Variants in THSD7A observed in about 807,000 individuals in gnomAD.
The protein encoded by THSD7A is thrombospondin type-1 domain-containing protein 7A.
Under a neutral mutation model 231.3 loss-of-function variants are expected in THSD7A, and 96 were observed. That is an observed-to-expected ratio of 0.41 (90% CI 0.35 to 0.49). The LOEUF (loss-of-function observed/expected upper bound fraction) is 0.49, where lower values mean the gene tolerates loss of function less well. THSD7A is among the 20% of genes least tolerant of loss of function. The pLI, the probability that THSD7A is intolerant of heterozygous loss-of-function variation, is 0.05. For missense variants in THSD7A, 2,290 were observed against 2,070.2 expected (o/e 1.11, Z -2.06); for synonymous variants, 940 against 743.3 (o/e 1.26, Z -4.30).
intron 4 of THSD7A, among the ~76,000 whole-genome samples, chr7:11,544,839 C>G (rs1480287978): frequency 6.7e-6 from 1 of 149,652 alleles, no homozygotes; most frequent in African/African-American, 2.5e-5. Flanking sequence ...ACACTCGCCA[C>G]TACAGTGAAA....
In THSD7A at chr7:11,624,343, G is replaced by T. The variant is rs777091645; in HGVS notation, c.1022+11787C>A. 5.1e-4 allele frequency among the ~76,000 whole-genome samples: 77 copies of T among 152,026 alleles called. 2 individuals carry two copies. Among genetic ancestry groups the T allele is most frequent in the Non-Finnish European group, 8.8e-5 (6 of 67,988 alleles). ...TTTGCCTCAGTTTACTGAAGAAAAG[G>T]CCAGATTTTTCTGCCTTACCATCAA... On this transcript the variant is annotated intron_variant, in intron 2 of 27. Transcript: ENST00000423059.
chr7:11,404,264 TA>T (rs1295384688), intron 22 of THSD7A, among the ~76,000 whole-genome samples: 2 of 152,178 alleles, frequency 1.3e-5, no homozygotes, highest in Non-Finnish European at 2.9e-5. Context: ...GCTTGACCTG[TA>T]ATTACATTTG....
chr7:11,395,470 A>T (rs1211760312), intron 23 of THSD7A, among the ~76,000 whole-genome samples: 3 of 151,960 alleles, frequency 2.0e-5, no homozygotes, highest in Non-Finnish European at 4.4e-5. Flanking sequence ...GACCAAGGAG[A>T]CCTAATAGAC....
rs573148447 is a variant in THSD7A, at chr7:11,394,012, AG to A, written c.4411+7782del. On this transcript the variant is annotated intron_variant, in intron 23 of 27. Coordinates refer to ENST00000423059, the MANE Select transcript of THSD7A (RefSeq NM_015204.3). ...CAACATTCAAATTCAGGAAATACAG[AG>A]AACACCACAAAGATACTCCTTGAGA... Among the ~76,000 whole-genome samples, 942 of 152,296 alleles carry A rather than the reference AG, an allele frequency of 6.2e-3. 9 individuals are homozygous for A. Among genetic ancestry groups the A allele is most frequent in the Middle Eastern group, 0.01 (3 of 294 alleles).
Position 11,446,018 on chromosome 7 carries a change from A to G in THSD7A, c.3064+43T>C, listed in dbSNP as rs1431609748. 6.2e-7 allele frequency: 1 copy of G among 1,608,150 alleles called. No homozygotes were observed. Among genetic ancestry groups the G allele is most frequent in the African/African-American group, 1.3e-5 (1 of 74,792 alleles). ...TGATGCGTGTGCATTTTCCCTCCACACTCCCGAAGATAGCAAATATGTAAC... is the reference window on the plus strand; with the variant it reads ...TGATGCGTGTGCATTTTCCCTCCACGCTCCCGAAGATAGCAAATATGTAAC... On this transcript the variant is annotated intron_variant, in intron 13 of 27. Coordinates refer to ENST00000423059, the MANE Select transcript of THSD7A (RefSeq NM_015204.3). This position sits in a 1 kb window ranked among gnomAD's most constrained non-coding sequence, Gnocchi z 4.0.
At chr7:11,466,468 C>G (rs1228654124) in intron 9 of THSD7A, among the ~76,000 whole-genome samples, 1 of 152,094 alleles carries the variant, frequency 6.6e-6, no homozygotes, top group Non-Finnish European at 1.5e-5. Context: ...ACAGGCAAAA[C>G]AGAAAAAACT....
At position 11,523,865 on chromosome 7, in the gene THSD7A, T is replaced by C. The variant is rs537859438; in HGVS notation, c.1822+17554A>G. Among the ~76,000 whole-genome samples, 9 of 152,302 alleles carry C rather than the reference T, an allele frequency of 5.9e-5. No homozygotes were observed. The South Asian group carries it at 1.9e-3, about 32-fold the overall frequency. On this transcript the variant is annotated intron_variant, in intron 6 of 27. Transcript: ENST00000423059. ...AGTTATTTCATTCTTCTGCCTTTAG[T>C]ACATATTGTACACAATTTTTTTAAA...
At position 11,482,022 on chromosome 7, in the gene THSD7A, T is replaced by C. The variant is rs534045935; in HGVS notation, c.1823-40A>G. 3.9e-6 allele frequency: 6 copies of C among 1,538,920 alleles called. No homozygotes were observed. In the South Asian group the frequency reaches 6.2e-5, roughly 16 times the overall value. On this transcript the variant is annotated intron_variant, in intron 6 of 27. Coordinates refer to ENST00000423059, the MANE Select transcript of THSD7A (RefSeq NM_015204.3). ...ACCACCAACAGCTATTATTGTTAAA[T>C]TAATGTAAAATGAGCAATTTAAACC...
chr7:11,814,343 G>T lies in THSD7A; in HGVS notation c.190+17414C>A, dbSNP rs1174179403. Reference sequence around the variant, plus strand: ...TGGCAATCCCAAGTATTCAGCACGTGACAAACAAAGGAGATTCATCTCATT... The same window carrying T: ...TGGCAATCCCAAGTATTCAGCACGTTACAAACAAAGGAGATTCATCTCATT... On this transcript the variant is annotated intron_variant, in intron 1 of 27. Coordinates refer to ENST00000423059, the MANE Select transcript of THSD7A (RefSeq NM_015204.3). This position sits in a 1 kb window ranked among gnomAD's most constrained non-coding sequence, Gnocchi z 5.1. Among the ~76,000 whole-genome samples the T allele has an allele frequency of 6.6e-6, 1 of 152,130 alleles. No homozygotes were observed. Among genetic ancestry groups the T allele is most frequent in the African/African-American group, 2.4e-5 (1 of 41,410 alleles).
intron 1 of THSD7A, among the ~76,000 whole-genome samples, chr7:11,777,457 A>ACT (rs1450520991): frequency 5.2e-5 from 6 of 116,072 alleles, no homozygotes; most frequent in African/African-American, 1.9e-4. Context: ...ACACACACAC[A>ACT]CACTCTTTAA....
Position 11,758,038 on chromosome 7 carries a change from T to TATATATAA in THSD7A, c.190+73718_190+73719insTTATATAT, listed in dbSNP as rs1554274392. On this transcript the variant is annotated intron_variant, in intron 1 of 27. Transcript: ENST00000423059. ...ATATATATATATATATATATATATATAATGTTTCACTTTAATCATCACAAA... is the reference window on the plus strand; with the variant it reads ...ATATATATATATATATATATATATATATATATAAAATGTTTCACTTTAATCATCACAAA... Among the ~76,000 whole-genome samples, 56 of 144,654 alleles carry TATATATAA rather than the reference T, an allele frequency of 3.9e-4. No homozygotes were observed. In the East Asian group the frequency reaches 6.5e-3, roughly 17 times the overall value. The allele number at this position is 144,654 out of a possible 152,430, so 94.9% of individuals were successfully genotyped here. A position where few individuals can be genotyped will look rare whatever the true frequency, so the allele number is the denominator to read the frequency against.
At chr7:11,523,034 A>G (rs1788330508) in intron 6 of THSD7A, among the ~76,000 whole-genome samples, 1 of 152,164 alleles carries the variant, frequency 6.6e-6, no homozygotes, top group African/African-American at 2.4e-5. Flanking sequence ...TCCACACTAC[A>G]AAGTTACAGA....
intron 1 of THSD7A, among the ~76,000 whole-genome samples, chr7:11,718,009 A>C (rs1258344363): frequency 2.0e-5 from 3 of 151,606 alleles, no homozygotes; most frequent in Non-Finnish European, 4.4e-5. Context: ...TCTCAAAACT[A>C]ATCTCTATGC....
intron 1 of THSD7A, among the ~76,000 whole-genome samples, chr7:11,651,905 A>G (rs1401205496): frequency 1.3e-5 from 2 of 152,026 alleles, no homozygotes; most frequent in Admixed American, 6.6e-5. Context: ...GTATACCTCA[A>G]GAACTGCAAT....
intron 4 of THSD7A, among the ~76,000 whole-genome samples, chr7:11,589,500 T>C (rs1455685386): frequency 6.6e-6 from 1 of 152,188 alleles, no homozygotes; most frequent in Non-Finnish European, 1.5e-5. Flanking sequence ...TTACGCTCAT[T>C]CTGAAACTTG....
chr7:11,489,133 A>G, intron 6 of THSD7A, among the ~76,000 whole-genome samples: 1 of 152,104 alleles, frequency 6.6e-6, no homozygotes, highest in Non-Finnish European at 1.5e-5. Context: ...AGTATCTTTT[A>G]GTCCTTGGTG....
chr7:11,635,709 T>A (rs1275145348), intron 2 of THSD7A, among the ~76,000 whole-genome samples: 2 of 152,144 alleles, frequency 1.3e-5, no homozygotes, highest in African/African-American at 2.4e-5. Context: ...GTTTATAGGG[T>A]AATTCTGAAA....
At chr7:11,566,583 C>G (rs985464103) in intron 4 of THSD7A, among the ~76,000 whole-genome samples, 2 of 152,172 alleles carry the variant, frequency 1.3e-5, no homozygotes, top group African/African-American at 4.8e-5. Flanking sequence ...CATTCCAGAA[C>G]AGAGCTGCAT....
intron 7 of THSD7A, among the ~76,000 whole-genome samples, chr7:11,479,803 A>C (rs1479846108): frequency 6.6e-6 from 1 of 152,196 alleles, no homozygotes; most frequent in Non-Finnish European, 1.5e-5. Context: ...GCTTTTATAA[A>C]TGTTATTAAC....
Sources: allele counts gnomAD v4.1 joint callset (sites outside exome capture counted in the v4.1 genomes callset), GRCh38; gene constraint gnomAD v4.1.1; non-coding constraint Gnocchi (gnomAD v3.1); transcripts MANE v1.5; gene names NCBI Gene and HGNC (gene_info 2026-07-23, HGNC 2026-07-21).